DENND2C: variants seen among roughly 807,000 people sequenced by gnomAD.
The protein encoded by DENND2C is DENN domain containing 2C, also known as DENN domain-containing protein 2C.
DENND2C carries 72 observed loss-of-function variants against 112.4 expected under a neutral mutation model. That is an observed-to-expected ratio of 0.64 (90% confidence interval 0.53 to 0.78). The LOEUF (loss-of-function observed/expected upper bound fraction) is 0.78, where lower values mean the gene tolerates loss of function less well. Ranked by LOEUF, DENND2C falls within the 30% of genes least tolerant of loss-of-function variation. The pLI, the probability that DENND2C is intolerant of heterozygous loss-of-function variation, is 0.00. For missense variants in DENND2C, 992 were observed against 1,113.8 expected, an observed-to-expected ratio of 0.89 and a Z score of 1.56; for synonymous variants, 329 against 381.6, an observed-to-expected ratio of 0.86 and a Z score of 1.61.
chr1:114,627,388 GGAAAATATCTT>G (rs1297831619), intron 3 of DENND2C, among the ~76,000 whole-genome samples: 17 of 152,266 alleles, frequency 1.1e-4, no homozygotes, highest in South Asian at 6.2e-4. Flanking sequence ...TTAACAGGCA[GGAAAATATCTT>G]AGCCCAGCTC....
At position 114,599,423 on chromosome 1, in the gene DENND2C, C is replaced by T; in HGVS notation, c.2134G>A (p.Val712Ile). 1 of 1,613,796 alleles carries T rather than the reference C, an allele frequency of 6.2e-7. No homozygotes were observed. Among genetic ancestry groups the T allele is most frequent in the Non-Finnish European group, 8.5e-7 (1 of 1,179,876 alleles). ...STLSKCGHAV[V>I]ATLYPFTWQH... is the part of the protein sequence containing the mutation. Reference sequence around the variant, plus strand: ...CAGGTGAACGGATACAGTGTAGCTACCACAGCATGGCCACATTTTGACAGG... The same window carrying T: ...CAGGTGAACGGATACAGTGTAGCTATCACAGCATGGCCACATTTTGACAGG... The change falls in exon 16 of 21, where the codon GTA becomes ATA. Residue 712 changes from valine to isoleucine, a missense_variant. Coordinates refer to ENST00000393274, the MANE Select transcript of DENND2C (RefSeq NM_001256404.2).
intron 16 of DENND2C, 30 bp from the exon 17 acceptor site, chr1:114,595,903 A>T (rs747043723): frequency 6.8e-6 from 11 of 1,607,004 alleles, no homozygotes. Flanking sequence ...GGCAAGTTCA[A>T]CCAGAGACAT....
intron 3 of DENND2C, among the ~76,000 whole-genome samples, chr1:114,640,476 T>C (rs963219260): frequency 2.0e-5 from 3 of 152,220 alleles, no homozygotes. Flanking sequence ...TAGTGTAGAA[T>C]AGAATACATC....
rs574831087 is a variant in DENND2C, at chr1:114,596,734, G to A, written c.2284-861C>T. On this transcript the variant is annotated intron_variant, in intron 16 of 20. Coordinates refer to ENST00000393274, the MANE Select transcript of DENND2C (RefSeq NM_001256404.2). ...CTGTTTACTTTTACATATGTTTAAAGTTTCCAAAATAAAAAGTTTTTTTTT... is the reference window on the plus strand; with the variant it reads ...CTGTTTACTTTTACATATGTTTAAAATTTCCAAAATAAAAAGTTTTTTTTT... 1.7e-4 allele frequency among the ~76,000 whole-genome samples: 26 copies of A among 151,556 alleles called. No individual in the cohort carries two copies. In the South Asian group the frequency reaches 5.4e-3, roughly 32 times the overall value.
At chr1:114,586,000 C>A (rs746212051) in intron 20 of DENND2C, among the ~76,000 whole-genome samples, 2 of 152,092 alleles carry the variant, frequency 1.3e-5, no homozygotes, top group Non-Finnish European at 2.9e-5. Context: ...TCTAATCTAA[C>A]CCCATTGTAT....
At chr1:114,639,559 G>T in intron 3 of DENND2C, among the ~76,000 whole-genome samples, 1 of 149,824 alleles carries the variant, frequency 6.7e-6, no homozygotes. Context: ...TCTAGCATGG[G>T]CAGCAGGAGG....
At chr1:114,646,863 A>G (rs56009466) in intron 2 of DENND2C, among the ~76,000 whole-genome samples, 6,209 of 152,174 alleles carry the variant, frequency 0.041, 176 homozygotes, top group Non-Finnish European at 0.066. Flanking sequence ...CACCTAGGTA[A>G]ACAGAGAATA....
At chr1:114,637,075 T>C (rs1433192679) in intron 3 of DENND2C, among the ~76,000 whole-genome samples, 4 of 140,400 alleles carry the variant, frequency 2.8e-5, no homozygotes, top group Non-Finnish European at 6.1e-5. Flanking sequence ...TTAAACCCTG[T>C]CTTTACTAAA....
chr1:114,663,468 G>T (rs1657555577), intron 1 of DENND2C, among the ~76,000 whole-genome samples: 1 of 152,206 alleles, frequency 6.6e-6, no homozygotes, highest in Non-Finnish European at 1.5e-5. Flanking sequence ...GGGGATGAAT[G>T]AAAATGTTTT....
intron 18 of DENND2C, among the ~76,000 whole-genome samples, chr1:114,590,460 T>C (rs533217957): frequency 6.6e-6 from 1 of 152,258 alleles, no homozygotes; most frequent in South Asian, 2.1e-4. Context: ...TAGTTTTTGC[T>C]ATCACATATA....
At chr1:114,651,808 C>T (rs1021008748) in intron 2 of DENND2C, among the ~76,000 whole-genome samples, 1 of 152,202 alleles carries the variant, frequency 6.6e-6, no homozygotes, top group African/African-American at 2.4e-5. Context: ...TTAGGCAAAG[C>T]AGAGTAAGTA....
In DENND2C at chr1:114,594,568, T is replaced by A. The variant is rs1392804980; in HGVS notation, c.2336A>T (p.Glu779Val). 3 of 1,613,230 alleles carry A rather than the reference T, an allele frequency of 1.9e-6. No individual in the cohort carries two copies. The East Asian group carries it at 6.7e-5, about 36-fold the overall frequency. ...AAGTTTTGGTGGTAGAATTTCATCC[T>A]CATCAGATACCTTAAGAAGAAAAAA... ...ADKFLQEVSD[E>V]DEILPPKLQA... The change falls in exon 18 of 21, where the codon GAG becomes GTG. Residue 779 changes from glutamate to valine, a missense_variant. Physicochemically the swap from Glu to Val is moderately radical, Grantham distance 121. Coordinates refer to ENST00000393274, the MANE Select transcript of DENND2C (RefSeq NM_001256404.2).
intron 2 of DENND2C, among the ~76,000 whole-genome samples, chr1:114,652,662 T>C (rs1023487895): frequency 2.9e-4 from 1 of 3,506 alleles, no homozygotes; most frequent in South Asian, 0.011. Context: ...TTACATTTAC[T>C]TTTTTTTTTT....
chr1:114,656,198 A>G lies in DENND2C; in HGVS notation c.-573-1437T>C, dbSNP rs577993281. ...ATCCTCCCACCTCAGCTTCCCAAGTATCTGGGACCACAGGTGTGTGCCACC... is the reference window on the plus strand; with the variant it reads ...ATCCTCCCACCTCAGCTTCCCAAGTGTCTGGGACCACAGGTGTGTGCCACC... On this transcript the variant is annotated intron_variant, in intron 1 of 20. Transcript: ENST00000393274. Among the ~76,000 whole-genome samples, 202 of 151,710 alleles carry G rather than the reference A, an allele frequency of 1.3e-3. 1 individual carries two copies. The highest frequency in any genetic ancestry group is 4.8e-3 in the African/African-American group (197 of 41,378).
At chr1:114,645,930 T>C (rs904675449) in intron 2 of DENND2C, among the ~76,000 whole-genome samples, 3 of 152,012 alleles carry the variant, frequency 2.0e-5, no homozygotes, top group African/African-American at 7.2e-5. Flanking sequence ...CAATTTCTCA[T>C]TCTTTTTTTT....
At chr1:114,659,501 C>CAAACA (rs553924062) in intron 1 of DENND2C, among the ~76,000 whole-genome samples, 340 of 152,168 alleles carry the variant, frequency 2.2e-3, no homozygotes, top group Non-Finnish European at 3.9e-3. Flanking sequence ...GACTCTGTCT[C>CAAACA]AAACAAAACA....
At chr1:114,603,540 C>T (rs1655578163) in intron 11 of DENND2C, among the ~76,000 whole-genome samples, 1 of 150,544 alleles carries the variant, frequency 6.6e-6, no homozygotes. Flanking sequence ...TCCTTCCTTC[C>T]TTTTATTATT....
chr1:114,665,445 AC>A (rs1464902771), intron 1 of DENND2C, among the ~76,000 whole-genome samples: 1 of 152,194 alleles, frequency 6.6e-6, no homozygotes, highest in Admixed American at 6.5e-5. Context: ...ACAGTCCCTG[AC>A]TTAATGATGG....
chr1:114,604,060 A>T (rs960913011), intron 11 of DENND2C, among the ~76,000 whole-genome samples: 1 of 152,186 alleles, frequency 6.6e-6, no homozygotes, highest in Non-Finnish European at 1.5e-5. Context: ...CCAGGCCACT[A>T]TGAAAGCTGC....
Sources: allele counts gnomAD v4.1 joint callset (sites outside exome capture counted in the v4.1 genomes callset), GRCh38; gene constraint gnomAD v4.1.1; transcripts MANE v1.5; gene names NCBI Gene and HGNC (gene_info 2026-07-23, HGNC 2026-07-21).